FOCAD: variants seen among roughly 807,000 people sequenced by gnomAD.
The protein encoded by FOCAD is KIAA1797.
A neutral mutation model predicts 225.6 loss-of-function variants in FOCAD; 198 were observed. That is an observed-to-expected ratio of 0.88 (90% CI 0.78 to 0.99). FOCAD has a LOEUF of 0.99. FOCAD is among the 50% of genes least tolerant of loss of function. The probability of loss-of-function intolerance (pLI) is 0.00; values close to 1 mark genes in which losing one functional copy is unlikely to be tolerated. For missense variants in FOCAD, 2,713 were observed against 2,123.6 expected, an observed-to-expected ratio of 1.28 and a Z score of -5.46; for synonymous variants, 897 against 755.0, an observed-to-expected ratio of 1.19 and a Z score of -3.08.
intron 2 of FOCAD, among the ~76,000 whole-genome samples, chr9:20,668,905 C>G (rs915156222): frequency 1.3e-5 from 2 of 152,212 alleles, no homozygotes; most frequent in Non-Finnish European, 2.9e-5. Context: ...GGCTGTGTGG[C>G]ACGCTCCCCG....
At chr9:20,667,693 T>C (rs1821935539) in intron 2 of FOCAD, among the ~76,000 whole-genome samples, 1 of 152,234 alleles carries the variant, frequency 6.6e-6, no homozygotes, top group Admixed American at 6.5e-5. Flanking sequence ...CTTTCTGACA[T>C]GGTCACTATT....
At chr9:20,664,110 G>A (rs1230569879) in intron 2 of FOCAD, among the ~76,000 whole-genome samples, 1 of 151,680 alleles carries the variant, frequency 6.6e-6, no homozygotes, top group Non-Finnish European at 1.5e-5. Context: ...TATTAACTCT[G>A]TTTTCTCCTC....
intron 24 of FOCAD, among the ~76,000 whole-genome samples, chr9:20,918,520 G>A (rs1834065268): frequency 6.6e-6 from 1 of 152,014 alleles, no homozygotes; most frequent in African/African-American, 2.4e-5. Flanking sequence ...TCAGGAGATC[G>A]AGACCATCCC....
intron 18 of FOCAD, among the ~76,000 whole-genome samples, chr9:20,869,556 T>C (rs1422747704): frequency 6.6e-6 from 1 of 151,910 alleles, no homozygotes; most frequent in Non-Finnish European, 1.5e-5. Flanking sequence ...AGATTTAGGG[T>C]TGAATGAAAC....
chr9:20,889,168 C>G (rs945646939), intron 21 of FOCAD, among the ~76,000 whole-genome samples: 2 of 152,194 alleles, frequency 1.3e-5, no homozygotes, highest in Non-Finnish European at 2.9e-5. Flanking sequence ...AGCCACTAAT[C>G]TACTTTCTGC....
At chr9:20,967,609 T>C (rs949823837) in intron 35 of FOCAD, among the ~76,000 whole-genome samples, 3 of 152,270 alleles carry the variant, frequency 2.0e-5, no homozygotes, top group East Asian at 1.9e-4. Context: ...TTTTTCACCA[T>C]TGAGTATGAT....
At chr9:20,896,025 G>A (rs960362096) in intron 21 of FOCAD, among the ~76,000 whole-genome samples, 1 of 151,804 alleles carries the variant, frequency 6.6e-6, no homozygotes, top group African/African-American at 2.4e-5. Context: ...TTCTTATCAA[G>A]TTGAGGAAGT....
chr9:20,836,684 A>G (rs903425204), intron 15 of FOCAD, among the ~76,000 whole-genome samples: 35 of 152,128 alleles, frequency 2.3e-4, no homozygotes, highest in African/African-American at 7.7e-4. Context: ...CTTACCTTTT[A>G]TTAACATTCA....
At chr9:20,870,045 G>C (rs998719800) in intron 18 of FOCAD, among the ~76,000 whole-genome samples, 6 of 152,116 alleles carry the variant, frequency 3.9e-5, no homozygotes, top group Non-Finnish European at 7.4e-5. Context: ...AAACTATGGA[G>C]AAGTTTCCTT....
chr9:20,981,590 C>T lies in FOCAD; in HGVS notation c.4542C>T (p.Ser1514=), dbSNP rs780222337. Reference sequence around the variant, plus strand: ...GCCCAAGTGCTTTACACGGTCTGAGCCAGGCCATGAAACTGCCCAGCCCTG... The same window carrying T: ...GCCCAAGTGCTTTACACGGTCTGAGTCAGGCCATGAAACTGCCCAGCCCTG... ...ELCPSALHGL[S]QAMKLPSPAH... The change falls in exon 38 of 44, where the codon AGC becomes AGT. Residue 1514 remains serine, a synonymous_variant. Coordinates refer to ENST00000338382, the MANE Select transcript of FOCAD (RefSeq NM_001375567.1). The T allele has an allele frequency of 1.2e-6, 2 of 1,614,028 alleles. No homozygotes were observed. Among genetic ancestry groups the T allele is most frequent in the Non-Finnish European group, 8.5e-7 (1 of 1,179,992 alleles).
At chr9:20,912,252 T>TA in intron 22 of FOCAD, among the ~76,000 whole-genome samples, 1 of 151,922 alleles carries the variant, frequency 6.6e-6, no homozygotes, top group Non-Finnish European at 1.5e-5. Flanking sequence ...TAATTCTGAG[T>TA]AAAAAAATGG....
intron 28 of FOCAD, among the ~76,000 whole-genome samples, chr9:20,937,623 AC>A (rs1836129542): frequency 6.6e-6 from 1 of 152,208 alleles, no homozygotes; most frequent in Non-Finnish European, 1.5e-5. Context: ...AACCATAAAA[AC>A]CCTAGACGAA....
chr9:20,823,090 G>C lies in FOCAD; in HGVS notation c.1895G>C (p.Gly632Ala), dbSNP rs1407277660. The C allele has an allele frequency of 6.2e-7, 1 of 1,607,046 alleles. No homozygotes were observed. The highest frequency in any genetic ancestry group is 2.2e-5 in the East Asian group (1 of 44,532). Residue 632 changes from glycine (G) to alanine (A), a missense_variant, in exon 15 of 44, where the codon GGT (glycine) becomes GCT (alanine). Transcript: ENST00000338382. ...QATPAALVLQ[G>A]LHALCQAEVV... ...ACTCCAGCAGCCTTGGTATTACAGGGTCTTCATGCACTCTGTCAAGCTGAG... is the reference window on the plus strand; with the variant it reads ...ACTCCAGCAGCCTTGGTATTACAGGCTCTTCATGCACTCTGTCAAGCTGAG...
intron 22 of FOCAD, among the ~76,000 whole-genome samples, chr9:20,910,304 A>G (rs1833333115): frequency 7.0e-6 from 1 of 142,780 alleles, no homozygotes; most frequent in African/African-American, 2.6e-5. Context: ...CTTTTTGAAA[A>G]GGGCTCTTTG....
intron 6 of FOCAD, among the ~76,000 whole-genome samples, chr9:20,759,609 G>A (rs201517285): frequency 5.3e-5 from 8 of 151,906 alleles, no homozygotes; most frequent in Admixed American, 2.0e-4. Flanking sequence ...CATAAAAACC[G>A]TAGAAGAAAA....
Position 20,885,161 on chromosome 9 carries a change from A to G in FOCAD, c.2556A>G (p.Lys852=). Reference sequence around the variant, plus strand: ...CCATGTATCAGAGTAAAGATGGAAAACCATTGAACAGACTGATGGCCAGCA... The same window carrying G: ...CCATGTATCAGAGTAAAGATGGAAAGCCATTGAACAGACTGATGGCCAGCA... The part of the protein sequence containing the change: ...DVSMYQSKDG[K]PLNRLMASRG... The change falls in exon 21 of 44, where the codon AAA becomes AAG. Residue 852 remains lysine (K), a synonymous_variant. Transcript: ENST00000338382. 6.5e-7 allele frequency: 1 copy of G among 1,540,226 alleles called. No homozygotes were observed. The highest frequency in any genetic ancestry group is 8.8e-7 in the Non-Finnish European group (1 of 1,141,172).
At position 20,678,068 on chromosome 9, in the gene FOCAD, C is replaced by T. The variant is rs577983873; in HGVS notation, c.-77-16452C>T. Among the ~76,000 whole-genome samples the T allele has an allele frequency of 2.0e-5, 3 of 152,178 alleles. No homozygotes were observed. In the East Asian group the frequency reaches 5.8e-4, roughly 29 times the overall value. Reference sequence around the variant, plus strand: ...ATAATTAAAAACATATCAGGAAGAACAAAAAGAGACTTGAGGCAAATTTAC... The same window carrying T: ...ATAATTAAAAACATATCAGGAAGAATAAAAAGAGACTTGAGGCAAATTTAC... On this transcript the variant is annotated intron_variant, in intron 2 of 45. Coordinates refer to the FOCAD transcript ENST00000380249.
At chr9:20,807,310 G>T (rs1044314331) in intron 11 of FOCAD, among the ~76,000 whole-genome samples, 4 of 152,180 alleles carry the variant, frequency 2.6e-5, no homozygotes, top group Admixed American at 6.5e-5. Context: ...TCAAAAAAGA[G>T]ACATTAATTA....
At chr9:20,754,486 C>G (rs1326967364) in intron 5 of FOCAD, among the ~76,000 whole-genome samples, 1 of 151,672 alleles carries the variant, frequency 6.6e-6, no homozygotes, top group Non-Finnish European at 1.5e-5. Flanking sequence ...AATCACAACT[C>G]TGATCTTGAT....
Sources: allele counts gnomAD v4.1 joint callset (sites outside exome capture counted in the v4.1 genomes callset), GRCh38; gene constraint gnomAD v4.1.1; transcripts MANE v1.5; gene names NCBI Gene and HGNC (gene_info 2026-07-23, HGNC 2026-07-21).